Variants in PTPRM observed in about 807,000 individuals in gnomAD.
The protein encoded by PTPRM is protein tyrosine phosphatase receptor type M, also known as receptor-type tyrosine-protein phosphatase mu.
Under a neutral mutation model 186.7 loss-of-function variants are expected in PTPRM, and 47 were observed. The ratio of observed to expected loss-of-function variants is 0.25; its 90% CI spans 0.20 to 0.32. The LOEUF (loss-of-function observed/expected upper bound fraction) is 0.32, where lower values mean the gene tolerates loss of function less well. Ranked by LOEUF, PTPRM falls within the 10% of genes least tolerant of loss-of-function variation. The probability of loss-of-function intolerance (pLI) is 1.00; values close to 1 mark genes in which losing one functional copy is unlikely to be tolerated. For synonymous variants in PTPRM, 668 were observed against 674.9 expected (o/e 0.99, Z 0.16); for missense variants, 1,494 against 1,865.0 (o/e 0.80, Z 3.66).
At chr18:7,791,250 A>G (rs1409829774) in intron 2 of PTPRM, among the ~76,000 whole-genome samples, 1 of 151,766 alleles carries the variant, frequency 6.6e-6, no homozygotes, top group Non-Finnish European at 1.5e-5. Flanking sequence ...TTTTTTTTTC[A>G]GATTAAAGAA....
intron 14 of PTPRM, among the ~76,000 whole-genome samples, chr18:8,192,789 T>C (rs560706390): frequency 6.6e-6 from 1 of 152,318 alleles, no homozygotes; most frequent in East Asian, 1.9e-4. Context: ...AGAGATATTC[T>C]GGGAGTCACA....
At chr18:7,887,356 C>T (rs910657319) in intron 2 of PTPRM, among the ~76,000 whole-genome samples, 2 of 152,066 alleles carry the variant, frequency 1.3e-5, no homozygotes, top group East Asian at 1.9e-4. Flanking sequence ...CCAAAGAGCT[C>T]GTGAGACTTC....
chr18:7,654,450 T>A (rs2038800784), intron 1 of PTPRM, among the ~76,000 whole-genome samples: 1 of 152,304 alleles, frequency 6.6e-6, no homozygotes, highest in South Asian at 2.1e-4. Flanking sequence ...ATAAATAGGT[T>A]AATTAGATCC....
intron 14 of PTPRM, among the ~76,000 whole-genome samples, chr18:8,232,069 G>C (rs977975620): frequency 5.3e-5 from 8 of 152,178 alleles, no homozygotes; most frequent in African/African-American, 4.8e-5. Context: ...TGCTCTGCCT[G>C]TTTATCCCTC....
At chr18:7,972,460 A>AT (rs549924835) in intron 7 of PTPRM, among the ~76,000 whole-genome samples, 5 of 12,932 alleles carry the variant, frequency 3.9e-4, no homozygotes, top group Non-Finnish European at 7.2e-4. Flanking sequence ...TTAAAGTATA[A>AT]TTAAAAAAAA....
At chr18:8,221,382 G>T (rs2094151367) in intron 14 of PTPRM, among the ~76,000 whole-genome samples, 1 of 152,136 alleles carries the variant, frequency 6.6e-6, no homozygotes, top group Non-Finnish European at 1.5e-5. Context: ...GCTCACAGGG[G>T]ATGCTTATGC....
chr18:8,150,777 A>T (rs933806280), intron 14 of PTPRM, among the ~76,000 whole-genome samples: 3 of 152,028 alleles, frequency 2.0e-5, no homozygotes, highest in Non-Finnish European at 4.4e-5. Context: ...CCCCATCTTT[A>T]TGGATTTATC....
At chr18:7,929,477 T>C (rs2051356225) in intron 5 of PTPRM, among the ~76,000 whole-genome samples, 1 of 152,192 alleles carries the variant, frequency 6.6e-6, no homozygotes, top group Non-Finnish European at 1.5e-5. Flanking sequence ...ATAGAACTGT[T>C]GTGACTTTGA....
chr18:8,199,809 G>A (rs1419277354), intron 14 of PTPRM, among the ~76,000 whole-genome samples: 1 of 152,074 alleles, frequency 6.6e-6, no homozygotes, highest in Admixed American at 6.5e-5. Context: ...AGTGCGTTTT[G>A]TTCCCTCCCT....
chr18:7,635,845 G>A (rs1304603677), intron 1 of PTPRM, among the ~76,000 whole-genome samples: 1 of 152,040 alleles, frequency 6.6e-6, no homozygotes, highest in Non-Finnish European at 1.5e-5. Context: ...AATTAACAGG[G>A]GATATATTAG....
rs537987312 is a variant in PTPRM at position 8,312,716 on chromosome 18, C to CCA, written c.2843-2059_2843-2058dup. 1.3e-4 allele frequency among the ~76,000 whole-genome samples: 20 copies of CCA among 152,172 alleles called. No homozygotes were observed. In the East Asian group the frequency reaches 3.5e-3, roughly 27 times the overall value. On this transcript the variant is annotated intron_variant, in intron 20 of 32. Coordinates refer to ENST00000580170, the MANE Select transcript of PTPRM (RefSeq NM_001105244.2). ...CTAACCCACCAGCAGCGATTCTCAC[C>CCA]CACACACTCGACCCCAGAAATTGCT...
chr18:7,618,981 T>C (rs553553621), intron 1 of PTPRM, among the ~76,000 whole-genome samples: 2 of 152,290 alleles, frequency 1.3e-5, no homozygotes, highest in East Asian at 3.9e-4. Flanking sequence ...TAACAGTTGC[T>C]TTCAAGCATG....
At chr18:8,056,344 T>C (rs1251155281) in intron 7 of PTPRM, among the ~76,000 whole-genome samples, 5 of 152,188 alleles carry the variant, frequency 3.3e-5, no homozygotes, top group South Asian at 2.1e-4. Flanking sequence ...AATCGCACAT[T>C]AGGGCTGGTT....
chr18:8,260,611 G>A (rs1044829359), intron 19 of PTPRM, among the ~76,000 whole-genome samples: 1 of 152,116 alleles, frequency 6.6e-6, no homozygotes, highest in African/African-American at 2.4e-5. Flanking sequence ...TCCCAACACT[G>A]CCACACCAGG....
intron 2 of PTPRM, among the ~76,000 whole-genome samples, chr18:7,808,338 C>T (rs925746882): frequency 2.6e-5 from 4 of 152,070 alleles, no homozygotes; most frequent in Non-Finnish European, 5.9e-5. Context: ...GTCTAGGAGG[C>T]CCCCCTCCAT....
At chr18:8,328,491 G>A (rs536482792) in intron 22 of PTPRM, among the ~76,000 whole-genome samples, 1 of 152,336 alleles carries the variant, frequency 6.6e-6, no homozygotes, top group African/African-American at 2.4e-5. Context: ...AGCTAGCACT[G>A]TGCTTCCTGG....
chr18:7,632,915 C>G (rs2038225816), intron 1 of PTPRM, among the ~76,000 whole-genome samples: 4 of 152,184 alleles, frequency 2.6e-5, no homozygotes. Flanking sequence ...AACAGTCTTT[C>G]ATTAATCCAT....
chr18:7,985,042 C>T (rs1302330232), intron 7 of PTPRM, among the ~76,000 whole-genome samples: 1 of 122,370 alleles, frequency 8.2e-6, no homozygotes, highest in Non-Finnish European at 1.6e-5. Context: ...TAAATATATA[C>T]ATATAATTAT....
intron 7 of PTPRM, among the ~76,000 whole-genome samples, chr18:8,019,851 T>C (rs1038615847): frequency 5.4e-5 from 8 of 149,248 alleles, no homozygotes; most frequent in African/African-American, 1.9e-4. Flanking sequence ...TATATAAATT[T>C]AACTTATTTA....
Sources: allele counts gnomAD v4.1 joint callset (sites outside exome capture counted in the v4.1 genomes callset), GRCh38; gene constraint gnomAD v4.1.1; transcripts MANE v1.5; gene names NCBI Gene and HGNC (gene_info 2026-07-23, HGNC 2026-07-21).